The following KIAA0319 variants were observed in gnomAD, a reference collection of about 807,000 sequenced individuals.
KIAA0319 encodes dyslexia-associated protein KIAA0319.
KIAA0319 carries 83 observed loss-of-function variants against 108.4 expected under a neutral mutation model. The observed-to-expected ratio is 0.77, with a 90% CI of 0.64 to 0.92. The LOEUF (loss-of-function observed/expected upper bound fraction) is 0.92. Ranked by LOEUF, KIAA0319 falls within the 40% of genes least tolerant of loss-of-function variation. KIAA0319 has a pLI of 0.00. For synonymous variants in KIAA0319, 484 were observed against 510.4 expected, an observed-to-expected ratio of 0.95 and a Z score of 0.70; for missense variants, 1,195 against 1,322.4, an observed-to-expected ratio of 0.90 and a Z score of 1.49.
chr6:24,632,501 A>G (rs1775709092), intron 1 of KIAA0319, among the ~76,000 whole-genome samples: 1 of 152,232 alleles, frequency 6.6e-6, no homozygotes, highest in South Asian at 2.1e-4. Context: ...TTCTCTCGCC[A>G]AAGCAGTTGA....
In KIAA0319 at chr6:24,576,425, A is replaced by C; in HGVS notation, c.1677T>G (p.Ile559Met). Residue 559 changes from isoleucine to methionine, a missense_variant, in exon 10 of 21, where the codon ATT becomes ATG. Physicochemically the swap from Ile to Met is conservative, Grantham distance 10. Coordinates refer to ENST00000378214, the MANE Select transcript of KIAA0319 (RefSeq NM_014809.4). ...NGNQSSDDHQ[I>M]VLYEWSLGPG... The stretch of plus-strand genomic sequence containing the variant: ...GACCCAGGGACCACTCATAGAGGAC[A>C]ATCTGGTGATCGTCACTGCTCTGGT... 6.2e-7 allele frequency: 1 copy of C among 1,614,156 alleles called. No individual in the cohort carries two copies. The highest frequency in any genetic ancestry group is 1.3e-5 in the African/African-American group (1 of 75,044).
At chr6:24,576,743 G>T in intron 9 of KIAA0319, 147 bp from the exon 10 acceptor site, 1 of 654,824 alleles carries the variant, frequency 1.5e-6, no homozygotes, top group South Asian at 1.8e-5. Context: ...CATAGAAGGA[G>T]ACTCTGTCTC....
chr6:24,550,145 C>G (rs1432444257), intron 20 of KIAA0319, among the ~76,000 whole-genome samples: 2 of 152,208 alleles, frequency 1.3e-5, no homozygotes, highest in African/African-American at 2.4e-5. Context: ...TAGCTACACT[C>G]TCTGTACACG....
chr6:24,572,525 A>G (rs371914314), intron 11 of KIAA0319, 50 bp downstream of exon 11: 2 of 1,590,380 alleles, frequency 1.3e-6, no homozygotes, highest in African/African-American at 1.4e-5. Flanking sequence ...AAGCCCAGCT[A>G]TCATTTCTGC....
chr6:24,583,532 A>G, intron 5 of KIAA0319, 72 bp downstream of exon 5: 1 of 984,746 alleles, frequency 1.0e-6, no homozygotes, highest in Non-Finnish European at 1.6e-6. Context: ...GGCGTTGTAA[A>G]TAGCCTGTAA....
chr6:24,568,809 C>T lies in KIAA0319; in HGVS notation c.2112G>A (p.Thr704=), dbSNP rs137884009. The T allele has an allele frequency of 2.0e-5, 32 of 1,614,026 alleles. No homozygotes were observed. Among genetic ancestry groups the T allele is most frequent in the African/African-American group, 5.3e-5 (4 of 74,938 alleles). Residue 704 remains threonine (T), a synonymous_variant, in exon 13 of 21, where the codon ACG becomes ACA. Coordinates refer to ENST00000378214, the MANE Select transcript of KIAA0319 (RefSeq NM_014809.4). The stretch of plus-strand genomic sequence containing the variant: ...TCTTCACAGCCACAGTGAGGGTGGA[C>T]GTGCTGCTCAGTCCCTGCTGGTCTT... ...TVKDQQGLSS[T]STLTVAVKKE... is the part of the protein sequence containing the mutation.
At chr6:24,624,364 A>G (rs538148321) in intron 1 of KIAA0319, among the ~76,000 whole-genome samples, 2 of 152,106 alleles carry the variant, frequency 1.3e-5, no homozygotes, top group African/African-American at 4.8e-5. Context: ...TGCACAAACT[A>G]TCTATCAAAC....
chr6:24,632,667 C>G (rs1364699940), intron 1 of KIAA0319, among the ~76,000 whole-genome samples: 1 of 152,162 alleles, frequency 6.6e-6, no homozygotes, highest in Non-Finnish European at 1.5e-5. Flanking sequence ...TCCTCATCAA[C>G]AAAGAAAGAG....
At chr6:24,547,819 G>A (rs1000840265) in intron 20 of KIAA0319, among the ~76,000 whole-genome samples, 4 of 152,322 alleles carry the variant, frequency 2.6e-5, no homozygotes, top group Non-Finnish European at 4.4e-5. Flanking sequence ...TACAGAACAG[G>A]TATAAGATTC....
rs185837240 is a variant in KIAA0319, at chr6:24,632,364, G to A, written c.-106+13372C>T. On this transcript the variant is annotated intron_variant, in intron 1 of 20. Coordinates refer to ENST00000378214, the MANE Select transcript of KIAA0319 (RefSeq NM_014809.4). ...GTATATAGAATATTCTAGCTGAATC[G>A]GTTGAAGCTCTGTGGCTCACCATTC... Among the ~76,000 whole-genome samples, 14 of 149,198 alleles carry A rather than the reference G, an allele frequency of 9.4e-5. No homozygotes were observed. In the East Asian group the frequency reaches 1.6e-3, roughly 17 times the overall value.
At chr6:24,573,253 C>T (rs1050172163) in intron 10 of KIAA0319, among the ~76,000 whole-genome samples, 5 of 152,192 alleles carry the variant, frequency 3.3e-5, no homozygotes, top group Non-Finnish European at 5.9e-5. Flanking sequence ...TAAGCACATA[C>T]TCCAACCCAG....
At position 24,596,018 on chromosome 6, in the gene KIAA0319, T is replaced by G; in HGVS notation, c.656A>C (p.Asn219Thr). Reference protein sequence around the residue: ...TQQDPELHYLNESASTPAPKL... With the variant: ...TQQDPELHYLTESASTPAPKL... ...TGGGGCAGGGGTTGAAGCCGACTCATTCAGGTAATGGAGCTCAGGGTCCTG... is the reference window on the plus strand; with the variant it reads ...TGGGGCAGGGGTTGAAGCCGACTCAGTCAGGTAATGGAGCTCAGGGTCCTG... The change falls in exon 3 of 21, where the codon AAT becomes ACT. Residue 219 changes from asparagine to threonine, a missense_variant. Physicochemically the swap from Asn to Thr is moderately conservative, Grantham distance 65. Coordinates refer to ENST00000378214, the MANE Select transcript of KIAA0319 (RefSeq NM_014809.4). 2 of 1,614,180 alleles carry G rather than the reference T, an allele frequency of 1.2e-6. No individual in the cohort carries two copies. Among genetic ancestry groups the G allele is most frequent in the Non-Finnish European group, 1.7e-6 (2 of 1,180,030 alleles).
chr6:24,614,834 C>T (rs955358549), intron 1 of KIAA0319, among the ~76,000 whole-genome samples: 6 of 151,820 alleles, frequency 4.0e-5, no homozygotes, highest in Non-Finnish European at 7.3e-5. Flanking sequence ...GCCAGCCCCT[C>T]GCTGTCATTA....
At chr6:24,623,996 A>G (rs1364444923) in intron 1 of KIAA0319, among the ~76,000 whole-genome samples, 1 of 146,668 alleles carries the variant, frequency 6.8e-6, no homozygotes, top group Non-Finnish European at 1.5e-5. Flanking sequence ...AAAGAAAAAT[A>G]ATTTTGAATT....
In KIAA0319 at chr6:24,579,412, G is replaced by T. The variant is rs865876186; in HGVS notation, c.1372+446C>A. ...GGTCACGGGAGCTCCTCTATATAAAGATATATATATATATATATATCTTAT... is the reference window on the plus strand; with the variant it reads ...GGTCACGGGAGCTCCTCTATATAAATATATATATATATATATATATCTTAT... On this transcript the variant is annotated intron_variant, in intron 8 of 20. Coordinates refer to ENST00000378214, the MANE Select transcript of KIAA0319 (RefSeq NM_014809.4). Among the ~76,000 whole-genome samples the T allele has an allele frequency of 8.5e-3, 1,075 of 126,866 alleles. 34 individuals are homozygous for T. The highest frequency in any genetic ancestry group is 0.019 in the African/African-American group (582 of 31,272). The allele number at this position is 126,866 out of a possible 152,430, so 83.2% of individuals were successfully genotyped here.
chr6:24,602,568 A>G lies in KIAA0319; in HGVS notation c.-105-1360T>C, dbSNP rs970147043. On this transcript the variant is annotated intron_variant, in intron 1 of 20. Transcript: ENST00000378214. ...GTAATCCCAGCACTTTGGGAGGCCA[A>G]GGCGGGTGGATCACGAGGTCAGGAG... 2.2e-4 allele frequency among the ~76,000 whole-genome samples: 33 copies of G among 152,322 alleles called. No homozygotes were observed. In the South Asian group the frequency reaches 3.7e-3, roughly 17 times the overall value.
At chr6:24,583,795 T>C in intron 4 of KIAA0319, 93 bp from the exon 5 acceptor site, 3 of 774,994 alleles carry the variant, frequency 3.9e-6, no homozygotes, top group Non-Finnish European at 6.4e-6. Flanking sequence ...ATCCATAAAT[T>C]AAAATAACAT....
chr6:24,607,269 T>C (rs930473672), intron 1 of KIAA0319, among the ~76,000 whole-genome samples: 2 of 152,102 alleles, frequency 1.3e-5, no homozygotes, highest in African/African-American at 4.8e-5. Flanking sequence ...GGTGGGAGAA[T>C]CACTTGAATC....
chr6:24,612,688 AAAATAT>A (rs1217032456), intron 1 of KIAA0319, among the ~76,000 whole-genome samples: 1 of 152,244 alleles, frequency 6.6e-6, no homozygotes, highest in African/African-American at 2.4e-5. Flanking sequence ...TGGGGTGGGA[AAAATAT>A]AAATATAAAT....
Sources: allele counts gnomAD v4.1 joint callset (sites outside exome capture counted in the v4.1 genomes callset), GRCh38; gene constraint gnomAD v4.1.1; transcripts MANE v1.5; gene names NCBI Gene and HGNC (gene_info 2026-07-23, HGNC 2026-07-21).